The following MARK2 variants were observed in gnomAD, a reference collection of about 807,000 sequenced individuals.
The protein encoded by MARK2 is serine/threonine-protein kinase MARK2.
In MARK2, 16 loss-of-function variants were observed where a neutral mutation model predicts 89.8. That is an observed-to-expected ratio of 0.18 (90% CI 0.12 to 0.27). The LOEUF is 0.27. Ranked by LOEUF, MARK2 falls within the 10% of genes least tolerant of loss-of-function variation. MARK2 has a pLI of 1.00. For missense variants in MARK2, 621 were observed against 1,049.9 expected, an observed-to-expected ratio of 0.59 and a Z score of 5.65; for synonymous variants, 382 against 399.5, an observed-to-expected ratio of 0.96 and a Z score of 0.52.
Position 63,909,399 on chromosome 11 carries a change from G to C in MARK2, c.*162G>C. 2 of 706,930 alleles carry C rather than the reference G, an allele frequency of 2.8e-6. No individual in the cohort carries two copies. Among genetic ancestry groups the C allele is most frequent in the Non-Finnish European group, 4.4e-6 (2 of 458,438 alleles). The allele number at this position is 706,930 out of a possible 1,614,324, so 43.8% of individuals were successfully genotyped here. On this transcript the variant is annotated 3_prime_UTR_variant, in exon 19 of 19. Transcript: ENST00000402010. ...TCTCAGTTTTCTCTTACATGTTTGT[G>C]GGGGGTGGGAGATTGTTCTCCAGCA...
At chr11:63,888,866 T>C in intron 1 of MARK2, 2 of 1,326,364 alleles carry the variant, frequency 1.5e-6, no homozygotes, top group South Asian at 2.4e-5. Flanking sequence ...GGCCTGGCTC[T>C]TCCCGGCCTC....
At chr11:63,898,489 G>T (rs1438370081) in intron 4 of MARK2, 119 bp from the exon 5 acceptor site, 8 of 919,632 alleles carry the variant, frequency 8.7e-6, no homozygotes, top group Admixed American at 1.9e-5. Context: ...TTGTTCTTGG[G>T]AGTGGGGGAT....
chr11:63,846,285 G>A (rs796689424), intron 1 of MARK2, among the ~76,000 whole-genome samples: 6 of 152,000 alleles, frequency 3.9e-5, no homozygotes, highest in South Asian at 2.1e-4. Flanking sequence ...GGGAGGCCAC[G>A]GCAGGAGGAT....
At chr11:63,888,870 C>T (rs912225353) in intron 1 of MARK2, 34 of 1,329,512 alleles carry the variant, frequency 2.6e-5, no homozygotes, top group African/African-American at 1.6e-4. Context: ...TGGCTCTTCC[C>T]GGCCTCTGTA....
chr11:63,884,095 G>A (rs577025339), intron 1 of MARK2, among the ~76,000 whole-genome samples: 6 of 152,320 alleles, frequency 3.9e-5, no homozygotes, highest in South Asian at 2.1e-4. Context: ...GAGCCAGATC[G>A]CACTGAGCTT....
Position 63,902,564 on chromosome 11 carries a change from C to T in MARK2, c.1235-37C>T, listed in dbSNP as rs202196834. The T allele has an allele frequency of 2.9e-4, 456 of 1,592,710 alleles. 3 individuals are homozygous for T. In the African/African-American group the frequency reaches 5.6e-3, roughly 19 times the overall value. On this transcript the variant is annotated intron_variant, in intron 12 of 18. Coordinates refer to ENST00000402010, the MANE Select transcript of MARK2 (RefSeq NM_001039469.3). The surrounding 1 kb of genome is among the most constrained non-coding windows in gnomAD (Gnocchi z 4.2). ...CGTGGGGCTGGCACTCAGTGGACCCCTTGGCCTTACCCATTCCCATCCTCC... is the reference window on the plus strand; with the variant it reads ...CGTGGGGCTGGCACTCAGTGGACCCTTTGGCCTTACCCATTCCCATCCTCC...
chr11:63,874,955 C>G (rs960253467), intron 1 of MARK2, among the ~76,000 whole-genome samples: 1 of 151,948 alleles, frequency 6.6e-6, no homozygotes, highest in Non-Finnish European at 1.5e-5. Flanking sequence ...TAATTTCATT[C>G]CTTCTCCTTT....
At chr11:63,881,122 G>T (rs1308890067) in intron 1 of MARK2, among the ~76,000 whole-genome samples, 1 of 151,750 alleles carries the variant, frequency 6.6e-6, no homozygotes, top group Admixed American at 6.6e-5. Context: ...TGGCCAACAT[G>T]GTGAAATCCC....
At chr11:63,905,835 G>A (rs1941279334) in intron 16 of MARK2, among the ~76,000 whole-genome samples, 1 of 152,112 alleles carries the variant, frequency 6.6e-6, no homozygotes, top group African/African-American at 2.4e-5. Context: ...CTTCCTCTAC[G>A]TTTCACTCCA....
intron 1 of MARK2, among the ~76,000 whole-genome samples, chr11:63,844,906 C>G (rs371370272): frequency 6.6e-6 from 1 of 152,194 alleles, no homozygotes; most frequent in Non-Finnish European, 1.5e-5. Flanking sequence ...CCATGAGGTT[C>G]CTACTTATGT....
chr11:63,855,352 T>C (rs1431701582), intron 1 of MARK2, among the ~76,000 whole-genome samples: 1 of 152,026 alleles, frequency 6.6e-6, no homozygotes, highest in Non-Finnish European at 1.5e-5. Flanking sequence ...GACCTCATCA[T>C]CTCTGCTAAA....
At position 63,895,658 on chromosome 11, in the gene MARK2, CTTTTTTTTTT is replaced by C. The variant is rs544118942; in HGVS notation, c.288+44_288+53del. 909 of 1,160,748 alleles carry C rather than the reference CTTTTTTTTTT, an allele frequency of 7.8e-4. 33 individuals are homozygous for C. Among genetic ancestry groups the C allele is most frequent in the South Asian group, 1.6e-3 (114 of 72,160 alleles). 71.9% of individuals were successfully genotyped at this position (1,160,748 alleles called of 1,614,324 possible). A position where few individuals can be genotyped will look rare whatever the true frequency, so the allele number is the denominator to read the frequency against. On this transcript the variant is annotated intron_variant, in intron 3 of 18. Coordinates refer to ENST00000402010, the MANE Select transcript of MARK2 (RefSeq NM_001039469.3). Reference sequence around the variant, plus strand: ...AGTAAGCACATGGCACCTCCTGTCCCTTTTTTTTTTTTTTTTTTTTTTTTTTTTGAGTCAG... The same window carrying C: ...AGTAAGCACATGGCACCTCCTGTCCCTTTTTTTTTTTTTTTTTTGAGTCAG...
chr11:63,871,612 A>C (rs1938458785), intron 1 of MARK2, among the ~76,000 whole-genome samples: 1 of 146,072 alleles, frequency 6.8e-6, no homozygotes, highest in African/African-American at 2.6e-5. Flanking sequence ...GCTGAAGAGT[A>C]TTCACTGTGT....
At chr11:63,848,206 TAGTG>T (rs1416328821) in intron 1 of MARK2, among the ~76,000 whole-genome samples, 5 of 152,206 alleles carry the variant, frequency 3.3e-5, no homozygotes, top group South Asian at 2.1e-4. Flanking sequence ...GTTTAGTAAT[TAGTG>T]AGTGTAACTA....
Position 63,909,076 on chromosome 11 carries a change from A to G in MARK2, c.2206A>G (p.Met736Val), listed in dbSNP as rs1411770533. The G allele has an allele frequency of 1.2e-6, 2 of 1,613,540 alleles. No homozygotes were observed. The highest frequency in any genetic ancestry group is 2.2e-5 in the East Asian group (1 of 44,854). Reference protein sequence around the residue: ...ELHEKYMLLCMHGTPGHEDFV... With the variant: ...ELHEKYMLLCVHGTPGHEDFV... ...GCATGAGAAGTACATGCTGCTGTGC[A>G]TGCACGGCACGCCGGGCCACGAGGA... is the stretch of plus-strand genomic sequence containing the variant. The change falls in exon 19 of 19, where the codon ATG (methionine) becomes GTG (valine). Residue 736 changes from methionine (M) to valine (V), a missense_variant. Around this residue, in one of 5 missense-constraint regions of MARK2, gnomAD observed 49 missense variants for 46.7 expected, o/e 1.05. Coordinates refer to ENST00000402010, the MANE Select transcript of MARK2 (RefSeq NM_001039469.3).
Position 63,902,832 on chromosome 11 carries a change from C to G in MARK2, c.1416+50C>G. The G allele has an allele frequency of 6.9e-7, 1 of 1,452,454 alleles. No individual in the cohort carries two copies. Among genetic ancestry groups the G allele is most frequent in the African/African-American group, 1.4e-5 (1 of 71,742 alleles). 90.0% of individuals were successfully genotyped at this position (1,452,454 alleles called of 1,614,324 possible). A position where few individuals can be genotyped will look rare whatever the true frequency, so the allele number is the denominator to read the frequency against. Reference sequence around the variant, plus strand: ...CTTCCTTCCTGCGGTGGGGCCTGCCCTCTCCAGGCAGCTCTTCTCTTAATT... The same window carrying G: ...CTTCCTTCCTGCGGTGGGGCCTGCCGTCTCCAGGCAGCTCTTCTCTTAATT... On this transcript the variant is annotated intron_variant, in intron 13 of 18. Transcript: ENST00000402010. The surrounding 1 kb of genome is among the most constrained non-coding windows in gnomAD (Gnocchi z 4.2).
At position 63,904,916 on chromosome 11, in the gene MARK2, C is replaced by A. The variant is rs1941201915; in HGVS notation, c.1807C>A (p.Arg603=). 6.2e-7 allele frequency: 1 copy of A among 1,614,118 alleles called. No homozygotes were observed. Among genetic ancestry groups the A allele is most frequent in the Admixed American group, 1.7e-5 (1 of 60,010 alleles). ...SRSTFHAGQL[R]QVRDQQNLPY... is the part of the protein sequence containing the mutation. The stretch of plus-strand genomic sequence containing the variant: ...AAGCACCTTCCATGCTGGGCAGCTC[C>A]GACAGGTGCGGGACCAGCAGAATTT... The change falls in exon 16 of 19, where the codon CGA becomes AGA. Residue 603 remains arginine, a synonymous_variant. Coordinates refer to ENST00000402010, the MANE Select transcript of MARK2 (RefSeq NM_001039469.3). This position sits in a 1 kb window ranked among gnomAD's most constrained non-coding sequence, Gnocchi z 6.3.
chr11:63,847,595 C>T (rs937781659), intron 1 of MARK2, among the ~76,000 whole-genome samples: 1 of 152,200 alleles, frequency 6.6e-6, no homozygotes, highest in Non-Finnish European at 1.5e-5. Context: ...GGGCTGTGTT[C>T]GTTGAGGCGA....
chr11:63,879,817 C>T (rs1346561095), intron 1 of MARK2, among the ~76,000 whole-genome samples: 1 of 152,146 alleles, frequency 6.6e-6, no homozygotes, highest in Non-Finnish European at 1.5e-5. Context: ...GAGCAACAAA[C>T]TTTGTCCCAG....
Sources: gnomAD v4.1 joint callset for allele counts (sites outside exome capture counted in the v4.1 genomes callset) on GRCh38, gnomAD v4.1.1 for gene constraint, gnomAD v4.1.1 regional missense constraint, Gnocchi (gnomAD v3.1) non-coding constraint, MANE v1.5 for transcripts, NCBI Gene and HGNC (gene_info 2026-07-23, HGNC 2026-07-21) for gene names.